SLCO6A1: variants seen among roughly 807,000 people sequenced by gnomAD.
SLCO6A1 encodes the protein solute carrier organic anion transporter family member 6A1, also known as cancer/testis antigen 48.
In SLCO6A1, 65 loss-of-function variants were observed where a neutral mutation model predicts 72.7. The observed-to-expected ratio is 0.89, with a 90% CI of 0.73 to 1.10. The LOEUF (loss-of-function observed/expected upper bound fraction) is 1.10, where lower values mean the gene tolerates loss of function less well. Among genes scored for constraint, SLCO6A1 ranks in the 50% least tolerant of loss-of-function variants. The pLI, the probability that SLCO6A1 is intolerant of heterozygous loss-of-function variation, is 0.00. For missense variants in SLCO6A1, 874 were observed against 872.6 expected (o/e 1.00, Z -0.02); for synonymous variants, 314 against 298.2 (o/e 1.05, Z -0.55).
At chr5:102,417,492 G>A (rs10053573) in intron 8 of SLCO6A1, among the ~76,000 whole-genome samples, 71,707 of 151,554 alleles carry the variant, frequency 0.47, 18,658 homozygotes, top group Non-Finnish European at 0.58. Flanking sequence ...TGATTTATGT[G>A]TTGTGACTCT....
intron 6 of SLCO6A1, among the ~76,000 whole-genome samples, chr5:102,456,891 T>G (rs1750750301): frequency 6.6e-6 from 1 of 152,168 alleles, no homozygotes; most frequent in Non-Finnish European, 1.5e-5. Context: ...ATGGTACTGG[T>G]ACCAAAACAG....
intron 9 of SLCO6A1, among the ~76,000 whole-genome samples, chr5:102,409,096 T>A (rs928991590): frequency 6.6e-6 from 1 of 152,122 alleles, no homozygotes; most frequent in Non-Finnish European, 1.5e-5. Context: ...ATAAAGAAAT[T>A]TGAAGATCTT....
At chr5:102,395,912 T>C (rs1333972752) in intron 10 of SLCO6A1, among the ~76,000 whole-genome samples, 1 of 152,224 alleles carries the variant, frequency 6.6e-6, no homozygotes, top group Admixed American at 6.5e-5. Flanking sequence ...TGTAAATTTG[T>C]TGGAGTTCAT....
chr5:102,472,545 G>GTATATA (rs1561489967), intron 4 of SLCO6A1, among the ~76,000 whole-genome samples: 2 of 152,024 alleles, frequency 1.3e-5, no homozygotes, highest in East Asian at 3.9e-4. Flanking sequence ...GTAATTGATG[G>GTATATA]TACTAGTTCC....
intron 4 of SLCO6A1, among the ~76,000 whole-genome samples, chr5:102,468,965 G>A (rs1561487147): frequency 1.3e-5 from 2 of 152,100 alleles, no homozygotes; most frequent in Non-Finnish European, 2.9e-5. Flanking sequence ...AGATCAGATG[G>A]TTGTAGATGT....
intron 9 of SLCO6A1, among the ~76,000 whole-genome samples, chr5:102,400,026 T>C (rs1580355934): frequency 6.6e-6 from 1 of 152,084 alleles, no homozygotes; most frequent in East Asian, 1.9e-4. Flanking sequence ...AGAATATTTA[T>C]ATTCAAATTC....
chr5:102,474,061 G>A (rs1014114738), intron 4 of SLCO6A1, among the ~76,000 whole-genome samples: 5 of 151,580 alleles, frequency 3.3e-5, no homozygotes, highest in East Asian at 1.9e-4. Context: ...TTCCAATGGC[G>A]TTTTTTACAA....
intron 1 of SLCO6A1, among the ~76,000 whole-genome samples, chr5:102,488,017 GA>G: frequency 6.6e-6 from 1 of 152,218 alleles, no homozygotes; most frequent in South Asian, 2.1e-4. Context: ...CAAAAAGGGA[GA>G]AAACTGCAAT....
chr5:102,416,606 T>G (rs1748300645), intron 8 of SLCO6A1, among the ~76,000 whole-genome samples: 1 of 152,012 alleles, frequency 6.6e-6, no homozygotes, highest in African/African-American at 2.4e-5. Context: ...TGACAGATAA[T>G]GAGAAATTAC....
At chr5:102,429,870 C>A (rs1287124868) in intron 7 of SLCO6A1, among the ~76,000 whole-genome samples, 1 of 152,120 alleles carries the variant, frequency 6.6e-6, no homozygotes, top group Non-Finnish European at 1.5e-5. Flanking sequence ...ATAGGAATAG[C>A]ACTGAATCTG....
At chr5:102,453,660 A>C (rs898329738) in intron 6 of SLCO6A1, among the ~76,000 whole-genome samples, 1 of 152,136 alleles carries the variant, frequency 6.6e-6, no homozygotes, top group African/African-American at 2.4e-5. Flanking sequence ...AATTAAATAA[A>C]TTCTATCTTC....
chr5:102,404,988 G>T (rs1197602030), intron 9 of SLCO6A1, among the ~76,000 whole-genome samples: 1 of 152,054 alleles, frequency 6.6e-6, no homozygotes, highest in Non-Finnish European at 1.5e-5. Flanking sequence ...TACACTGGAG[G>T]TATCTCACAG....
At chr5:102,391,076 A>G in intron 10 of SLCO6A1, 31 bp from the exon 11 acceptor site, 1 of 1,587,132 alleles carries the variant, frequency 6.3e-7, no homozygotes. Flanking sequence ...TATAATCAGC[A>G]CATCATTGTT....
At chr5:102,470,382 T>C (rs1394463508) in intron 4 of SLCO6A1, among the ~76,000 whole-genome samples, 1 of 152,184 alleles carries the variant, frequency 6.6e-6, no homozygotes, top group Non-Finnish European at 1.5e-5. Flanking sequence ...CCTGGTTTAG[T>C]CTTGGGAGGG....
At chr5:102,459,576 T>C in intron 5 of SLCO6A1, 80 bp downstream of exon 5, 2 of 1,401,046 alleles carry the variant, frequency 1.4e-6, no homozygotes, top group South Asian at 1.6e-5. Flanking sequence ...AAAAATGTAA[T>C]ACAGTCATTC....
intron 7 of SLCO6A1, among the ~76,000 whole-genome samples, chr5:102,434,409 T>C (rs918511117): frequency 1.3e-5 from 2 of 152,230 alleles, no homozygotes; most frequent in Non-Finnish European, 2.9e-5. Context: ...CAACTCATTG[T>C]GTGTACAGAT....
intron 5 of SLCO6A1, among the ~76,000 whole-genome samples, 174 bp from the exon 6 acceptor site, chr5:102,458,665 G>T (rs550036949): frequency 6.6e-6 from 1 of 152,094 alleles, no homozygotes; most frequent in Non-Finnish European, 1.5e-5. Flanking sequence ...CTAAAACAGT[G>T]TTGTCCTGAA....
intron 7 of SLCO6A1, among the ~76,000 whole-genome samples, chr5:102,428,956 A>C (rs1320079480): frequency 6.6e-6 from 1 of 152,106 alleles, no homozygotes; most frequent in African/African-American, 2.4e-5. Flanking sequence ...CCTCGCCAGC[A>C]CTTGTTATTT....
Position 102,482,793 on chromosome 5 carries a change from G to C in SLCO6A1, c.359-2359C>G, listed in dbSNP as rs548974407. 2.0e-5 allele frequency among the ~76,000 whole-genome samples: 3 copies of C among 152,306 alleles called. No individual in the cohort carries two copies. In the South Asian group the frequency reaches 6.2e-4, roughly 32 times the overall value. On this transcript the variant is annotated intron_variant, in intron 1 of 13. Coordinates refer to ENST00000506729, the MANE Select transcript of SLCO6A1 (RefSeq NM_173488.5). ...GTTATGGTAGTGTTAGCAGGACCATGATGACAAAAGAAGAACCCATATCCA... is the reference window on the plus strand; with the variant it reads ...GTTATGGTAGTGTTAGCAGGACCATCATGACAAAAGAAGAACCCATATCCA...
Sources: allele counts gnomAD v4.1 joint callset (sites outside exome capture counted in the v4.1 genomes callset), GRCh38; gene constraint gnomAD v4.1.1; transcripts MANE v1.5; gene names NCBI Gene and HGNC (gene_info 2026-07-23, HGNC 2026-07-21).